CGB7: variants seen among roughly 807,000 people sequenced by gnomAD.
CGB7 encodes choriogonadotropin subunit beta 7.
Under a neutral mutation model 7.3 loss-of-function variants are expected in CGB7, and 6 were observed. The observed-to-expected ratio is 0.82, with a 90% CI of 0.45 to 1.62. The LOEUF (loss-of-function observed/expected upper bound fraction) is 1.62, where lower values mean the gene tolerates loss of function less well. Ranked by LOEUF, CGB7 falls within the 40% of genes most tolerant of loss-of-function variation. The pLI, the probability that CGB7 is intolerant of heterozygous loss-of-function variation, is 0.01. For missense variants in CGB7, 114 were observed against 236.2 expected (o/e 0.48, Z 3.39); for synonymous variants, 47 against 100.8 (o/e 0.47, Z 3.20).
Position 49,055,650 on chromosome 19 carries a change from G to C in CGB7, c.-275C>G, listed in dbSNP as rs965938998. On this transcript the variant is annotated 5_prime_UTR_variant, in exon 3 of 5. Coordinates refer to ENST00000684222, the MANE Select transcript of CGB7 (RefSeq NM_001385261.1). Reference sequence around the variant, plus strand: ...TGCTAGGGACTAGTCGAGGCTGGAGGCACAGAGAGTAGGGTGTAGGAAGGC... The same window carrying C: ...TGCTAGGGACTAGTCGAGGCTGGAGCCACAGAGAGTAGGGTGTAGGAAGGC... 443 of 1,397,438 alleles carry C rather than the reference G, an allele frequency of 3.2e-4. 2 individuals carry two copies. The highest frequency in any genetic ancestry group is 3.8e-4 in the Admixed American group (13 of 33,892). The allele number at this position is 1,397,438 out of a possible 1,614,324, so 86.6% of individuals were successfully genotyped here. A position where few individuals can be genotyped will look rare whatever the true frequency, so the allele number is the denominator to read the frequency against.
In CGB7 at chr19:49,054,824, G is replaced by A. The variant is rs1221629163; in HGVS notation, c.183+17C>T. The A allele has an allele frequency of 1.3e-6, 2 of 1,573,518 alleles. No individual in the cohort carries two copies. The highest frequency in any genetic ancestry group is 1.7e-6 in the Non-Finnish European group (2 of 1,165,794). ...GCCCTGAGGTGGCAGCACCTGCCCG[G>A]GCCCCGGGCAGCTCACCATGGTGGG... On this transcript the variant is annotated intron_variant, in intron 4 of 4. Transcript: ENST00000684222.
intron 2 of CGB7, among the ~76,000 whole-genome samples, chr19:49,056,825 C>T (rs117421182): frequency 0.021 from 3,161 of 152,280 alleles, 40 homozygotes; most frequent in South Asian, 0.038. Context: ...GCTTTCGCTT[C>T]CTTGCGAAGG....
chr19:49,056,641 G>A (rs892121531), intron 2 of CGB7, 46 bp from the exon 3 acceptor site: 2 of 1,213,944 alleles, frequency 1.6e-6, no homozygotes, highest in Non-Finnish European at 2.1e-6. Flanking sequence ...GGATCCTTGG[G>A]GACGAGTTTC....
At chr19:49,057,287 G>C (rs1358350159) in intron 1 of CGB7, 39 bp from the exon 2 acceptor site, 1 of 1,515,404 alleles carries the variant, frequency 6.6e-7, no homozygotes, top group East Asian at 2.5e-5. Flanking sequence ...CCAAGACATA[G>C]ATTTCATACC....
intron 3 of CGB7, 43 bp downstream of exon 3, chr19:49,055,318 C>T: frequency 6.2e-7 from 1 of 1,610,326 alleles, no homozygotes; most frequent in African/African-American, 1.3e-5. Context: ...CCAGTGATGG[C>T]CTGGAAGGAG....
chr19:49,057,472 C>A lies in CGB7; in HGVS notation c.-1359G>T. ...CCTTCCCAGCCTCACCTCCCTAAATCCAAGCCCTCCTGCTGGTCAAGGAAC... is the reference window on the plus strand; with the variant it reads ...CCTTCCCAGCCTCACCTCCCTAAATACAAGCCCTCCTGCTGGTCAAGGAAC... On this transcript the variant is annotated 5_prime_UTR_variant, in exon 1 of 5. Coordinates refer to ENST00000684222, the MANE Select transcript of CGB7 (RefSeq NM_001385261.1). 1 of 1,291,536 alleles carries A rather than the reference C, an allele frequency of 7.7e-7. No homozygotes were observed. The highest frequency in any genetic ancestry group is 9.9e-7 in the Non-Finnish European group (1 of 1,013,194). The allele number at this position is 1,291,536 out of a possible 1,614,324, so 80.0% of individuals were successfully genotyped here.
intron 1 of CGB7, 95 bp downstream of exon 1, chr19:49,057,367 C>A: frequency 2.1e-6 from 3 of 1,427,638 alleles, no homozygotes; most frequent in Non-Finnish European, 2.8e-6. Flanking sequence ...ACGGCCACGG[C>A]CCTCACACCC....
In CGB7 at chr19:49,055,451, T is replaced by G. The variant is rs1033097466; in HGVS notation, c.-76A>C. 1.3e-5 allele frequency: 21 copies of G among 1,607,548 alleles called. No homozygotes were observed. The highest frequency in any genetic ancestry group is 2.2e-5 in the East Asian group (1 of 44,848). On this transcript the variant is annotated 5_prime_UTR_variant, in exon 3 of 5. Coordinates refer to ENST00000684222, the MANE Select transcript of CGB7 (RefSeq NM_001385261.1). ...GGGGGCGTCAAGGCCACCAGGAGGT[T>G]GTAGGATGCTGGAGTGAGCTGGACA... is the stretch of plus-strand genomic sequence containing the variant.
chr19:49,055,392 G>T lies in CGB7; in HGVS notation c.-17C>A, dbSNP rs756647814. ...CATCTCCATCCTTGGTGCGTCCCCT[G>T]CCTGGTGTACCTGGCTTTATACCTC... On this transcript the variant is annotated 5_prime_UTR_variant, in exon 3 of 5. Coordinates refer to ENST00000684222, the MANE Select transcript of CGB7 (RefSeq NM_001385261.1). The T allele has an allele frequency of 3.1e-6, 5 of 1,613,466 alleles. No homozygotes were observed. The highest frequency in any genetic ancestry group is 4.2e-6 in the Non-Finnish European group (5 of 1,179,788).
intron 2 of CGB7, 81 bp downstream of exon 2, chr19:49,057,040 G>A: frequency 7.0e-7 from 1 of 1,437,426 alleles, no homozygotes; most frequent in Middle Eastern, 2.4e-4. Flanking sequence ...TCAGGGAATG[G>A]GAGCCAGCCC....
At position 49,056,302 on chromosome 19, in the gene CGB7, G is replaced by T; in HGVS notation, c.-927C>A. On this transcript the variant is annotated 5_prime_UTR_variant, in exon 3 of 5. Coordinates refer to ENST00000684222, the MANE Select transcript of CGB7 (RefSeq NM_001385261.1). ...GCCCCGGCTTACAGCGGCCTGAGCG[G>T]GAGTTCTCGGTGCTGTAGGCTTTCG... The T allele has an allele frequency of 7.7e-7, 1 of 1,293,020 alleles. No individual in the cohort carries two copies. Among genetic ancestry groups the T allele is most frequent in the Non-Finnish European group, 1.0e-6 (1 of 990,768 alleles). 80.1% of individuals were successfully genotyped at this position (1,293,020 alleles called of 1,614,324 possible).
At chr19:49,055,169 A>C in intron 3 of CGB7, 161 bp from the exon 4 acceptor site, 3 of 984,864 alleles carry the variant, frequency 3.0e-6, no homozygotes, top group Non-Finnish European at 3.6e-6. Context: ...AGCCCACCCC[A>C]CAGCCCGAGG....
rs762316081 is a variant in CGB7, at chr19:49,056,422, C to G, written c.-1047G>C. On this transcript the variant is annotated 5_prime_UTR_variant, in exon 3 of 5. Coordinates refer to ENST00000684222, the MANE Select transcript of CGB7 (RefSeq NM_001385261.1). ...GGTCGAGCCGGCGGAGCGGGTGCGGCGAGGAGCTGTAGGTTTCCTGAGCCG... is the reference window on the plus strand; with the variant it reads ...GGTCGAGCCGGCGGAGCGGGTGCGGGGAGGAGCTGTAGGTTTCCTGAGCCG... 30 of 1,296,884 alleles carry G rather than the reference C, an allele frequency of 2.3e-5. No homozygotes were observed. In the African/African-American group the frequency reaches 4.2e-4, roughly 18 times the overall value. 80.3% of individuals were successfully genotyped at this position (1,296,884 alleles called of 1,614,324 possible).
chr19:49,057,058 C>T, intron 2 of CGB7, 63 bp downstream of exon 2: 12 of 1,498,338 alleles, frequency 8.0e-6, no homozygotes, highest in Non-Finnish European at 1.1e-5. Context: ...CCCAGGGGCT[C>T]GGCGTGCACC....
At chr19:49,057,013 G>T (rs1190365000) in intron 2 of CGB7, 108 bp downstream of exon 2, 2 of 1,216,014 alleles carry the variant, frequency 1.6e-6, no homozygotes, top group African/African-American at 1.5e-5. Context: ...TATAGGAGTC[G>T]AGACTGAGAC....
At chr19:49,055,051 C>G (rs1478269348) in intron 3 of CGB7, 43 bp from the exon 4 acceptor site, 2 of 1,601,060 alleles carry the variant, frequency 1.2e-6, no homozygotes, top group Non-Finnish European at 1.7e-6. Context: ...AGACCACAGC[C>G]CTGAGCCCTG....
At position 49,055,445 on chromosome 19, in the gene CGB7, G is replaced by A; in HGVS notation, c.-70C>T. The stretch of plus-strand genomic sequence containing the variant: ...GTTTGTGGGGGCGTCAAGGCCACCA[G>A]GAGGTTGTAGGATGCTGGAGTGAGC... On this transcript the variant is annotated 5_prime_UTR_variant, in exon 3 of 5. Transcript: ENST00000684222. 6.2e-7 allele frequency: 1 copy of A among 1,606,822 alleles called. No individual in the cohort carries two copies. Among genetic ancestry groups the A allele is most frequent in the Non-Finnish European group, 8.5e-7 (1 of 1,176,116 alleles).
Position 49,056,141 on chromosome 19 carries a change from C to T in CGB7, c.-766G>A. The T allele has an allele frequency of 8.2e-7, 1 of 1,213,664 alleles. No homozygotes were observed. The highest frequency in any genetic ancestry group is 1.4e-5 in the South Asian group (1 of 70,902). The allele number at this position is 1,213,664 out of a possible 1,614,324, so 75.2% of individuals were successfully genotyped here. On this transcript the variant is annotated 5_prime_UTR_variant, in exon 3 of 5. Coordinates refer to ENST00000684222, the MANE Select transcript of CGB7 (RefSeq NM_001385261.1). ...GGCGTGTCTGGGCTAGTCCTGTCCCCACACTGCGGATAGACTTAATGAGTG... is the reference window on the plus strand; with the variant it reads ...GGCGTGTCTGGGCTAGTCCTGTCCCTACACTGCGGATAGACTTAATGAGTG...
At position 49,056,264 on chromosome 19, in the gene CGB7, C is replaced by G. The variant is rs541594437; in HGVS notation, c.-889G>C. 2.3e-6 allele frequency: 3 copies of G among 1,290,546 alleles called. No individual in the cohort carries two copies. Among genetic ancestry groups the G allele is most frequent in the Non-Finnish European group, 3.0e-6 (3 of 989,370 alleles). The allele number at this position is 1,290,546 out of a possible 1,614,324, so 79.9% of individuals were successfully genotyped here. ...CGTGTCTGGGGTGGGGCTGGCCCGG[C>G]AGGCTCCCACTAGCCCCGGCTTACA... On this transcript the variant is annotated 5_prime_UTR_variant, in exon 3 of 5. Transcript: ENST00000684222.
Sources: allele counts gnomAD v4.1 joint callset (sites outside exome capture counted in the v4.1 genomes callset), GRCh38; gene constraint gnomAD v4.1.1; transcripts MANE v1.5; gene names NCBI Gene and HGNC (gene_info 2026-07-23, HGNC 2026-07-21).